Variants in DCDC1 observed in about 807,000 individuals in gnomAD.
DCDC1 encodes the protein doublecortin domain containing 1.
DCDC1 carries 200 observed loss-of-function variants against 178.3 expected under a neutral mutation model. That is an observed-to-expected ratio of 1.12 (90% CI 1.00 to 1.26). The LOEUF is 1.26. Ranked by LOEUF, DCDC1 falls within the 50% of genes most tolerant of loss-of-function variation. The pLI is 0.00. For synonymous variants in DCDC1, 690 were observed against 604.8 expected (o/e 1.14, Z -2.07); for missense variants, 1,983 against 1,749.2 (o/e 1.13, Z -2.38).
At chr11:30,887,698 G>A (rs891051559) in intron 36 of DCDC1, among the ~76,000 whole-genome samples, 3 of 152,052 alleles carry the variant, frequency 2.0e-5, no homozygotes, top group African/African-American at 7.2e-5. Context: ...ACTCTCCACA[G>A]GGCTTATTTC....
intron 6 of DCDC1, among the ~76,000 whole-genome samples, chr11:31,292,503 G>A (rs965860982): frequency 1.1e-4 from 16 of 151,868 alleles, no homozygotes; most frequent in African/African-American, 3.9e-4. Context: ...AATGAAAGAA[G>A]CCAGACATAA....
In DCDC1 at chr11:31,307,751, G is replaced by A. The variant is rs1218033902; in HGVS notation, c.322C>T (p.His108Tyr). ...STHQTASDHSHDEISDLDSYK... is the reference protein window; with the variant it reads ...STHQTASDHSYDEISDLDSYK... ...CTATCTAGGTCTGATATTTCATCATGGCTGTGATCTGATGCTGTTTGATGT... is the reference window on the plus strand; with the variant it reads ...CTATCTAGGTCTGATATTTCATCATAGCTGTGATCTGATGCTGTTTGATGT... The change falls in exon 4 of 39, where the codon CAT becomes TAT. Residue 108 changes from histidine to tyrosine, a missense_variant. Transcript: ENST00000684477. 2.5e-6 allele frequency: 4 copies of A among 1,614,046 alleles called. No homozygotes were observed. In the Admixed American group the frequency reaches 6.7e-5, roughly 27 times the overall value.
intron 6 of DCDC1, among the ~76,000 whole-genome samples, chr11:31,302,424 A>C (rs1948176116): frequency 6.6e-6 from 1 of 152,186 alleles, no homozygotes; most frequent in Non-Finnish European, 1.5e-5. Flanking sequence ...CAATTCATTA[A>C]CTACCTATTC....
At chr11:31,338,047 G>T (rs973099496) in intron 1 of DCDC1, among the ~76,000 whole-genome samples, 1 of 152,100 alleles carries the variant, frequency 6.6e-6, no homozygotes, top group African/African-American at 2.4e-5. Flanking sequence ...ATTCTCCATT[G>T]ACCACATCAG....
chr11:31,106,895 A>G lies in DCDC1; in HGVS notation c.1653T>C (p.Ser551=), dbSNP rs1958885196. 3 of 766,152 alleles carry G rather than the reference A, an allele frequency of 3.9e-6. No homozygotes were observed. Among genetic ancestry groups the G allele is most frequent in the Non-Finnish European group, 7.2e-6 (3 of 417,812 alleles). 47.5% of individuals were successfully genotyped at this position (766,152 alleles called of 1,614,324 possible). ...SSINPPGLNY[S]SMRLFDENGQ... The stretch of plus-strand genomic sequence containing the variant: ...CATTCTCATCAAAAAGCCGCATTGA[A>G]GAATAATTGAGGCCTGGTGGGTTGA... The change falls in exon 13 of 39, where the codon TCT becomes TCC. Residue 551 remains serine (S), a synonymous_variant. Coordinates refer to ENST00000684477, the MANE Select transcript of DCDC1 (RefSeq NM_001387274.1).
chr11:30,947,140 T>A (rs1335237512), intron 21 of DCDC1, among the ~76,000 whole-genome samples: 1 of 152,070 alleles, frequency 6.6e-6, no homozygotes, highest in Non-Finnish European at 1.5e-5. Context: ...AAGAGAAAAT[T>A]AATAATATGG....
At chr11:31,099,721 GTT>G (rs371157451) in intron 15 of DCDC1, among the ~76,000 whole-genome samples, 104 of 136,160 alleles carry the variant, frequency 7.6e-4, no homozygotes, top group South Asian at 1.9e-3. Flanking sequence ...TTTGTTTGTT[GTT>G]TTTTTTTTTT....
intron 18 of DCDC1, among the ~76,000 whole-genome samples, chr11:31,072,770 CATT>C (rs1255258493): frequency 2.6e-5 from 4 of 152,002 alleles, no homozygotes; most frequent in African/African-American, 9.7e-5. Context: ...TAAGCTTGTT[CATT>C]ATTATTATCA....
At chr11:31,328,314 T>C (rs1286858012) in intron 2 of DCDC1, 28 bp from the exon 3 acceptor site, 1 of 1,531,294 alleles carries the variant, frequency 6.5e-7, no homozygotes, top group South Asian at 1.3e-5. Flanking sequence ...TGTTATTTAA[T>C]TTTAAATGTA....
rs144261355 is a variant in DCDC1 at position 31,329,529 on chromosome 11, G to A, written c.-6-1243C>T. ...TGTCATTTACATTGGGTATTTCTCC[G>A]AATGCTATCCCTCCAGCCCTGCCCC... On this transcript the variant is annotated intron_variant, in intron 2 of 38. Coordinates refer to ENST00000684477, the MANE Select transcript of DCDC1 (RefSeq NM_001387274.1). Among the ~76,000 whole-genome samples, 917 of 151,976 alleles carry A rather than the reference G, an allele frequency of 6.0e-3. 7 individuals carry two copies. Among genetic ancestry groups the A allele is most frequent in the African/African-American group, 0.021 (863 of 41,450 alleles).
rs182933661 is a variant in DCDC1 at position 31,052,750 on chromosome 11, A to G, written c.2591+11719T>C. ...CTGAATGAGCATTGGGTCAAAAATG[A>G]AATCAAGATGGAAATTTAAACATTC... On this transcript the variant is annotated intron_variant, in intron 20 of 38. Coordinates refer to ENST00000684477, the MANE Select transcript of DCDC1 (RefSeq NM_001387274.1). 3.4e-3 allele frequency among the ~76,000 whole-genome samples: 513 copies of G among 152,322 alleles called. 6 individuals are homozygous for G. The highest frequency in any genetic ancestry group is 0.012 in the African/African-American group (494 of 41,580).
At chr11:31,272,383 C>T (rs1945633622) in intron 7 of DCDC1, among the ~76,000 whole-genome samples, 1 of 152,098 alleles carries the variant, frequency 6.6e-6, no homozygotes, top group Non-Finnish European at 1.5e-5. Flanking sequence ...CATTTTGAAA[C>T]CAATCATGCC....
intron 9 of DCDC1, among the ~76,000 whole-genome samples, chr11:31,191,989 G>A (rs1970184228): frequency 1.3e-5 from 2 of 152,018 alleles, no homozygotes; most frequent in South Asian, 4.1e-4. Context: ...TCAGTAAGCA[G>A]ATAGGCTTCC....
chr11:31,169,843 G>A (rs208089), intron 9 of DCDC1, among the ~76,000 whole-genome samples: 105,712 of 152,052 alleles, frequency 0.7, 37,754 homozygotes, highest in East Asian at 0.96. Flanking sequence ...ACTTCAGGGA[G>A]AAGGATGCAA....
chr11:31,347,022 CAACTT>C (rs1404922609), intron 1 of DCDC1, among the ~76,000 whole-genome samples: 3 of 152,256 alleles, frequency 2.0e-5, no homozygotes, highest in East Asian at 1.9e-4. Context: ...TGTTAAGTGT[CAACTT>C]AAAATGTACA....
chr11:31,043,711 C>A (rs1419887239), intron 20 of DCDC1, among the ~76,000 whole-genome samples: 1 of 152,040 alleles, frequency 6.6e-6, no homozygotes, highest in East Asian at 1.9e-4. Flanking sequence ...CTCCCAAACC[C>A]TAAAGTAGGG....
intron 9 of DCDC1, among the ~76,000 whole-genome samples, chr11:31,212,019 C>G (rs994988456): frequency 6.7e-6 from 1 of 149,292 alleles, no homozygotes; most frequent in African/African-American, 2.5e-5. Context: ...GGAGGCGGAG[C>G]TTGCAGTGAG....
chr11:31,010,027 G>A lies in DCDC1; in HGVS notation c.2591+54442C>T, dbSNP rs140355914. ...TCCCACTGGGTCCCTTGCCCAACAT[G>A]TGAGGATTATGGAAACTATAATTCA... On this transcript the variant is annotated intron_variant, in intron 20 of 38. Coordinates refer to ENST00000684477, the MANE Select transcript of DCDC1 (RefSeq NM_001387274.1). Among the ~76,000 whole-genome samples, 654 of 152,318 alleles carry A rather than the reference G, an allele frequency of 4.3e-3. 10 individuals are homozygous for A. The highest frequency in any genetic ancestry group is 0.015 in the African/African-American group (603 of 41,568).
chr11:31,012,648 TC>T (rs1952245065), intron 20 of DCDC1, among the ~76,000 whole-genome samples: 1 of 149,020 alleles, frequency 6.7e-6, no homozygotes, highest in African/African-American at 2.5e-5. Context: ...AAATAGAAAA[TC>T]TCCACTAACA....
Sources: gnomAD v4.1 joint callset for allele counts (sites outside exome capture counted in the v4.1 genomes callset) on GRCh38, gnomAD v4.1.1 for gene constraint, MANE v1.5 for transcripts, NCBI Gene and HGNC (gene_info 2026-07-23, HGNC 2026-07-21) for gene names.